BCL2: variants seen among roughly 807,000 people sequenced by gnomAD.
The protein encoded by BCL2 is BCL2 apoptosis regulator.
BCL2 carries 1 observed loss-of-function variant against 14.2 expected under a neutral mutation model. The observed-to-expected ratio is 0.07, with a 90% confidence interval of 0.02 to 0.33. The LOEUF is 0.33. Among genes scored for constraint, BCL2 ranks in the 10% least tolerant of loss-of-function variants. The probability of loss-of-function intolerance (pLI) is 0.99; values close to 1 mark genes in which losing one functional copy is unlikely to be tolerated. For missense variants in BCL2, 247 were observed against 305.9 expected (o/e 0.81, Z 1.44); for synonymous variants, 151 against 137.2 (o/e 1.10, Z -0.70).
At chr18:63,242,721 G>A (rs974178120) in intron 2 of BCL2, among the ~76,000 whole-genome samples, 5 of 152,104 alleles carry the variant, frequency 3.3e-5, no homozygotes, top group South Asian at 4.2e-4. Flanking sequence ...ACAACTTCAC[G>A]TATGTGAAGT....
chr18:63,250,969 T>A (rs1377110464), intron 2 of BCL2, among the ~76,000 whole-genome samples: 1 of 152,122 alleles, frequency 6.6e-6, no homozygotes, highest in Non-Finnish European at 1.5e-5. Context: ...ATTTAAAAGT[T>A]GTAGGGGAGA....
At chr18:63,163,296 A>G (rs1914967284) in intron 2 of BCL2, among the ~76,000 whole-genome samples, 1 of 152,198 alleles carries the variant, frequency 6.6e-6, no homozygotes, top group African/African-American at 2.4e-5. Flanking sequence ...ACTAATGTCT[A>G]CATCTCCTAA....
intron 2 of BCL2, among the ~76,000 whole-genome samples, chr18:63,275,625 T>C (rs1220970572): frequency 6.6e-6 from 1 of 152,270 alleles, no homozygotes; most frequent in African/African-American, 2.4e-5. Flanking sequence ...TAGTTTCATA[T>C]GTAAACTAAC....
intron 2 of BCL2, among the ~76,000 whole-genome samples, chr18:63,269,487 T>C (rs1247001010): frequency 6.6e-6 from 1 of 152,080 alleles, no homozygotes; most frequent in East Asian, 1.9e-4. Context: ...ATTAAAGAAA[T>C]AGTCATTAAA....
At chr18:63,146,196 T>A (rs1380631913) in intron 2 of BCL2, among the ~76,000 whole-genome samples, 1 of 152,200 alleles carries the variant, frequency 6.6e-6, no homozygotes, top group East Asian at 1.9e-4. Flanking sequence ...ACTCAGAGCC[T>A]GAATTTCCTG....
chr18:63,163,343 T>G (rs1342209842), intron 2 of BCL2, among the ~76,000 whole-genome samples: 1 of 149,928 alleles, frequency 6.7e-6, no homozygotes, highest in African/African-American at 2.4e-5. Flanking sequence ...CTCTTCAGTT[T>G]TGTTTTGCTA....
chr18:63,266,633 T>TCACACACACACACACACACACA (rs1238518850), intron 2 of BCL2, among the ~76,000 whole-genome samples: 5 of 145,486 alleles, frequency 3.4e-5, no homozygotes, highest in African/African-American at 1.3e-4. Context: ...TCTCTCTCTC[T>TCACACACACACACACACACACA]CTCTCACACA....
intron 2 of BCL2, among the ~76,000 whole-genome samples, chr18:63,238,303 G>A (rs913021543): frequency 2.0e-4 from 31 of 152,214 alleles, no homozygotes; most frequent in Middle Eastern, 3.2e-3. Flanking sequence ...GGCAGAAACC[G>A]AGTGAGTTCA....
At position 63,298,006 on chromosome 18, in the gene BCL2, G is replaced by A. The variant is rs148378318; in HGVS notation, c.585+20076C>T. ...AAATTGGAGCCAAGAGAGCTTGGCTGGGTTTCCAGGCCGGCACTCTCTCTC... is the reference window on the plus strand; with the variant it reads ...AAATTGGAGCCAAGAGAGCTTGGCTAGGTTTCCAGGCCGGCACTCTCTCTC... On this transcript the variant is annotated intron_variant, in intron 2 of 2. Transcript: ENST00000333681. 5.3e-5 allele frequency among the ~76,000 whole-genome samples: 8 copies of A among 152,268 alleles called. No individual in the cohort carries two copies. In the South Asian group the frequency reaches 6.2e-4, roughly 12 times the overall value.
intron 2 of BCL2, chr18:63,161,979 A>C (rs1373845323): frequency 2.0e-5 from 3 of 152,172 alleles, no homozygotes; most frequent in African/African-American, 7.2e-5. Flanking sequence ...TTATCTATAG[A>C]TGTGTAAACC....
chr18:63,292,074 C>T (rs190551534), intron 2 of BCL2, among the ~76,000 whole-genome samples: 18 of 152,148 alleles, frequency 1.2e-4, no homozygotes, highest in African/African-American at 2.2e-4. Flanking sequence ...TAAGACCTAA[C>T]GAATGACTTA....
At chr18:63,154,943 C>A (rs1203217443) in intron 2 of BCL2, among the ~76,000 whole-genome samples, 2 of 152,230 alleles carry the variant, frequency 1.3e-5, no homozygotes, top group African/African-American at 4.8e-5. Context: ...CATTACACAT[C>A]TCAAAAGAAC....
At chr18:63,295,160 T>A (rs1912764421) in intron 2 of BCL2, among the ~76,000 whole-genome samples, 1 of 151,322 alleles carries the variant, frequency 6.6e-6, no homozygotes, top group African/African-American at 2.4e-5. Flanking sequence ...CGAGACTCCA[T>A]CTCAAAAAAA....
chr18:63,198,483 GAC>G (rs1418989878), intron 2 of BCL2, among the ~76,000 whole-genome samples: 24 of 119,886 alleles, frequency 2.0e-4, no homozygotes, highest in African/African-American at 5.8e-4. Flanking sequence ...CACTGACAGA[GAC>G]ACACACAGAC....
intron 2 of BCL2, among the ~76,000 whole-genome samples, chr18:63,176,448 T>G (rs543871461): frequency 2.6e-5 from 4 of 152,208 alleles, no homozygotes; most frequent in Non-Finnish European, 4.4e-5. Flanking sequence ...AGAGTCAGCA[T>G]TTGTTCAGGG....
chr18:63,251,040 C>A (rs1254877085), intron 2 of BCL2, among the ~76,000 whole-genome samples: 1 of 151,970 alleles, frequency 6.6e-6, no homozygotes, highest in Non-Finnish European at 1.5e-5. Context: ...TGACGTAAGA[C>A]AAATTAACAG....
intron 2 of BCL2, among the ~76,000 whole-genome samples, chr18:63,264,940 A>C (rs1012279806): frequency 5.2e-5 from 8 of 152,422 alleles, no homozygotes; most frequent in Non-Finnish European, 1.0e-4. Flanking sequence ...AGGGGGCCCA[A>C]AGGAAAGAAC....
intron 2 of BCL2, among the ~76,000 whole-genome samples, chr18:63,282,439 C>T (rs541764609): frequency 2.0e-5 from 3 of 152,154 alleles, no homozygotes; most frequent in African/African-American, 7.2e-5. Flanking sequence ...GCCTTGAAAA[C>T]GATCTGTCCA....
chr18:63,207,816 T>A (rs1293779250), intron 2 of BCL2: 1 of 152,240 alleles, frequency 6.6e-6, no homozygotes, highest in East Asian at 1.9e-4. Flanking sequence ...GAAAGGAAAG[T>A]TGGACTATTT....
Sources: gnomAD v4.1 joint callset for allele counts (sites outside exome capture counted in the v4.1 genomes callset) on GRCh38, gnomAD v4.1.1 for gene constraint, MANE v1.5 for transcripts, NCBI Gene and HGNC (gene_info 2026-07-23, HGNC 2026-07-21) for gene names.